Variants in FRY observed in about 807,000 individuals in gnomAD.
FRY encodes the protein FRY microtubule binding protein.
Under a neutral mutation model 348.4 loss-of-function variants are expected in FRY, and 128 were observed. The ratio of observed to expected loss-of-function variants is 0.37; its 90% CI spans 0.32 to 0.43. The LOEUF (loss-of-function observed/expected upper bound fraction) is 0.43, where lower values mean the gene tolerates loss of function less well. FRY is among the 20% of genes least tolerant of loss of function. The probability of loss-of-function intolerance (pLI) is 1.00; values close to 1 mark genes in which losing one functional copy is unlikely to be tolerated. For missense variants in FRY, 2,736 were observed against 3,695.2 expected (o/e 0.74, Z 6.73); for synonymous variants, 1,370 against 1,374.7 (o/e 1.00, Z 0.08).
At chr13:32,264,394 A>G (rs1408531553) in intron 53 of FRY, among the ~76,000 whole-genome samples, 2 of 152,028 alleles carry the variant, frequency 1.3e-5, no homozygotes, top group East Asian at 3.8e-4. Context: ...AAAGTATAAT[A>G]TATATATTTT....
At chr13:32,205,832 T>A (rs1025229717) in intron 31 of FRY, among the ~76,000 whole-genome samples, 3 of 151,766 alleles carry the variant, frequency 2.0e-5, no homozygotes, top group African/African-American at 7.3e-5. Flanking sequence ...GGAGGATAGT[T>A]AAGAAACAAT....
chr13:32,080,348 C>G (rs1346883928), intron 2 of FRY, among the ~76,000 whole-genome samples: 2 of 152,184 alleles, frequency 1.3e-5, no homozygotes, highest in Non-Finnish European at 2.9e-5. Flanking sequence ...TTGTGCACAA[C>G]TTATTACCTC....
chr13:32,124,239 G>A, intron 4 of FRY, 47 bp from the exon 5 acceptor site: 1 of 1,114,780 alleles, frequency 9.0e-7, no homozygotes, highest in Non-Finnish European at 1.4e-6. Flanking sequence ...GTATTACTCT[G>A]AGAATACCTT....
At position 32,284,873 on chromosome 13, in the gene FRY, A is replaced by G. The variant is rs958450765; in HGVS notation, c.8470-4760A>G. The stretch of plus-strand genomic sequence containing the variant: ...TTTACTGACTGGTTATGTCATAAGC[A>G]TAGAATCCACCTGAGAACAGAAGAA... On this transcript the variant is annotated intron_variant, in intron 58 of 60. Coordinates refer to ENST00000542859, the MANE Select transcript of FRY (RefSeq NM_023037.3). Among the ~76,000 whole-genome samples the G allele has an allele frequency of 1.3e-5, 2 of 152,338 alleles. 1 individual carries two copies. The highest frequency in any genetic ancestry group is 4.1e-4 in the South Asian group (2 of 4,822).
intron 38 of FRY, 137 bp from the exon 39 acceptor site, chr13:32,225,652 G>A (rs1885541052): frequency 2.6e-6 from 2 of 781,762 alleles, no homozygotes; most frequent in Admixed American, 3.8e-5. Context: ...CCTGTATGTT[G>A]GTAACCCAAA....
intron 46 of FRY, among the ~76,000 whole-genome samples, chr13:32,242,504 T>C (rs1239098400): frequency 6.6e-6 from 1 of 152,176 alleles, no homozygotes; most frequent in African/African-American, 2.4e-5. Context: ...ACATTATAGA[T>C]TTACATAATT....
In FRY at chr13:32,228,663, G is replaced by A. The variant is rs753208310; in HGVS notation, c.5405+9G>A. ...GAGTTTCTCACGACCAGGTAATAAGGGGTTAGGAGTCCGCTGCTGTTTGCA... is the reference window on the plus strand; with the variant it reads ...GAGTTTCTCACGACCAGGTAATAAGAGGTTAGGAGTCCGCTGCTGTTTGCA... On this transcript the variant is annotated intron_variant, in intron 40 of 60. Coordinates refer to ENST00000542859, the MANE Select transcript of FRY (RefSeq NM_023037.3). The A allele has an allele frequency of 6.2e-7, 1 of 1,612,670 alleles. No homozygotes were observed. The highest frequency in any genetic ancestry group is 2.2e-5 in the East Asian group (1 of 44,886).
At chr13:32,156,641 A>G in intron 15 of FRY, among the ~76,000 whole-genome samples, 1 of 152,092 alleles carries the variant, frequency 6.6e-6, no homozygotes, top group Non-Finnish European at 1.5e-5. Flanking sequence ...TGCATGAGAA[A>G]TAATCATGAA....
At chr13:32,185,719 T>A (rs1882989338) in intron 26 of FRY, among the ~76,000 whole-genome samples, 1 of 152,210 alleles carries the variant, frequency 6.6e-6, no homozygotes, top group Non-Finnish European at 1.5e-5. Context: ...TCTAATTAAA[T>A]TTTTTGATAT....
rs1026403168 is a variant in FRY at position 32,115,568 on chromosome 13, GTCT to G, written c.325-1763_325-1761del. On this transcript the variant is annotated intron_variant, in intron 3 of 60. Transcript: ENST00000542859. ...TGTTCCTTCACTCTGGCAAAATAAA[GTCT>G]TCATACCAGTCAGATATTTCTTCTT... Among the ~76,000 whole-genome samples, 9 of 152,260 alleles carry G rather than the reference GTCT, an allele frequency of 5.9e-5. No individual in the cohort carries two copies. In the East Asian group the frequency reaches 1.7e-3, roughly 29 times the overall value.
intron 1 of FRY, among the ~76,000 whole-genome samples, chr13:32,054,749 C>T (rs1873531054): frequency 6.6e-6 from 1 of 152,166 alleles, no homozygotes; most frequent in Non-Finnish European, 1.5e-5. Context: ...GTGGTGGACA[C>T]CTGTAATCCC....
At chr13:32,122,348 C>T (rs430317) in intron 4 of FRY, among the ~76,000 whole-genome samples, 68,492 of 150,978 alleles carry the variant, frequency 0.45, 16,199 homozygotes, top group South Asian at 0.65. Flanking sequence ...GAGGCTGAGG[C>T]GGGATAATGG....
In FRY at chr13:32,186,217, G is replaced by T. The variant is rs776837643; in HGVS notation, c.3320-43G>T. ...GAAATATATATAATAGCGATATACA[G>T]TATGTCCAGTCTTATAACCTCTAAG... On this transcript the variant is annotated intron_variant, in intron 26 of 60. Transcript: ENST00000542859. 2.2e-6 allele frequency: 3 copies of T among 1,384,828 alleles called. No individual in the cohort carries two copies. The South Asian group carries it at 3.5e-5, about 16-fold the overall frequency. The allele number at this position is 1,384,828 out of a possible 1,614,324, so 85.8% of individuals were successfully genotyped here.
chr13:32,229,013 G>A (rs982888818), intron 40 of FRY, among the ~76,000 whole-genome samples: 3 of 152,152 alleles, frequency 2.0e-5, no homozygotes, highest in Admixed American at 2.0e-4. Context: ...TCTGAGACTT[G>A]GCAGAGAACT....
intron 27 of FRY, 130 bp downstream of exon 27, chr13:32,186,550 A>G (rs1333810024): frequency 1.4e-6 from 1 of 710,530 alleles, no homozygotes; most frequent in Admixed American, 2.1e-5. Context: ...AAGCGCACAT[A>G]CAAAAAAATC....
At chr13:32,149,640 C>T in intron 13 of FRY, 108 bp from the exon 14 acceptor site, 1 of 721,980 alleles carries the variant, frequency 1.4e-6, no homozygotes, top group Non-Finnish European at 2.5e-6. Context: ...CAGTGCCCCT[C>T]CTCTTTTAGC....
rs148055845 is a variant in FRY, at chr13:32,254,645, A to G, written c.7416+251A>G. Among the ~76,000 whole-genome samples, 693 of 152,288 alleles carry G rather than the reference A, an allele frequency of 4.6e-3. 4 individuals carry two copies. Among genetic ancestry groups the G allele is most frequent in the African/African-American group, 0.016 (670 of 41,552 alleles). ...AACGGCAAAGACCTGAGTTTTAATG[A>G]CCACACAAAGACTGTATGTGTGTGT... On this transcript the variant is annotated intron_variant, in intron 51 of 60. Transcript: ENST00000542859.
chr13:32,256,525 C>T (rs1406906243), intron 51 of FRY, among the ~76,000 whole-genome samples: 1 of 151,262 alleles, frequency 6.6e-6, no homozygotes, highest in East Asian at 1.9e-4. Flanking sequence ...CAGAGTGAGA[C>T]CCTGTGTCCA....
chr13:32,189,911 A>G lies in FRY; in HGVS notation c.3591+2255A>G, dbSNP rs1593716388. On this transcript the variant is annotated intron_variant, in intron 28 of 60. Transcript: ENST00000542859. Reference sequence around the variant, plus strand: ...ATAGATACAAAACTTTAAATAAAATATTAGAAAATTGAATTTAATGATATA... The same window carrying G: ...ATAGATACAAAACTTTAAATAAAATGTTAGAAAATTGAATTTAATGATATA... 2.6e-5 allele frequency among the ~76,000 whole-genome samples: 4 copies of G among 152,188 alleles called. 1 individual carries two copies. The highest frequency in any genetic ancestry group is 2.6e-4 in the Admixed American group (4 of 15,298).
Sources: gnomAD v4.1 joint callset for allele counts (sites outside exome capture counted in the v4.1 genomes callset) on GRCh38, gnomAD v4.1.1 for gene constraint, MANE v1.5 for transcripts, NCBI Gene and HGNC (gene_info 2026-07-23, HGNC 2026-07-21) for gene names.